GPC6: variants seen among roughly 807,000 people sequenced by gnomAD.
GPC6 encodes glypican 6, also known as glypican-6.
In GPC6, 14 loss-of-function variants were observed where a neutral mutation model predicts 55.2. The ratio of observed to expected loss-of-function variants is 0.25; its 90% CI spans 0.17 to 0.40. GPC6 has a LOEUF of 0.40. GPC6 is among the 10% of genes least tolerant of loss of function. GPC6 has a pLI of 1.00. For missense variants in GPC6, 641 were observed against 708.5 expected (o/e 0.90, Z 1.08); for synonymous variants, 278 against 259.6 (o/e 1.07, Z -0.68).
chr13:94,090,820 A>G (rs1885453872), intron 4 of GPC6, among the ~76,000 whole-genome samples: 2 of 152,156 alleles, frequency 1.3e-5, no homozygotes, highest in Non-Finnish European at 2.9e-5. Flanking sequence ...GTCTGTCTCT[A>G]TTTAGCACAC....
At chr13:93,405,254 C>A (rs769794883) in intron 1 of GPC6, among the ~76,000 whole-genome samples, 13 of 151,930 alleles carry the variant, frequency 8.6e-5, no homozygotes, top group Non-Finnish European at 1.3e-4. Flanking sequence ...GATCTATCTC[C>A]TGGCACATAC....
At chr13:93,236,773 GC>G (rs1876249091) in intron 1 of GPC6, among the ~76,000 whole-genome samples, 1 of 152,036 alleles carries the variant, frequency 6.6e-6, no homozygotes, top group Non-Finnish European at 1.5e-5. Flanking sequence ...CACTCTATGT[GC>G]CCCTGTGTAT....
chr13:93,763,238 G>C (rs1486880430), intron 2 of GPC6, among the ~76,000 whole-genome samples: 1 of 152,202 alleles, frequency 6.6e-6, no homozygotes, highest in Non-Finnish European at 1.5e-5. Context: ...TCTTAGTGAT[G>C]CAAGTTCACT....
rs987685360 is a variant in GPC6, at chr13:94,134,782, T to C, written c.877+106888T>C. On this transcript the variant is annotated intron_variant, in intron 4 of 8. Transcript: ENST00000377047. ...ATTCCTCTAAGAGGACTTTCGGGTTTCTATTTAAGGTCACTCCTCCCATCC... is the reference window on the plus strand; with the variant it reads ...ATTCCTCTAAGAGGACTTTCGGGTTCCTATTTAAGGTCACTCCTCCCATCC... Among the ~76,000 whole-genome samples the C allele has an allele frequency of 2.0e-4, 31 of 152,300 alleles. 1 individual carries two copies. The highest frequency in any genetic ancestry group is 8.8e-5 in the Non-Finnish European group (6 of 68,014).
intron 1 of GPC6, among the ~76,000 whole-genome samples, chr13:93,348,667 G>A (rs868216686): frequency 1.3e-5 from 2 of 152,108 alleles, no homozygotes; most frequent in South Asian, 4.1e-4. Flanking sequence ...AAAGCAGTTT[G>A]GAAAAGATTT....
chr13:94,181,841 C>T (rs532317267), intron 4 of GPC6, among the ~76,000 whole-genome samples: 2 of 152,292 alleles, frequency 1.3e-5, no homozygotes, highest in South Asian at 2.1e-4. Flanking sequence ...ATTTATTGAG[C>T]ACTCACTAAG....
chr13:93,467,171 T>G (rs576126489), intron 1 of GPC6, among the ~76,000 whole-genome samples: 112 of 152,348 alleles, frequency 7.4e-4, no homozygotes, highest in African/African-American at 2.6e-3. Flanking sequence ...TAATTTGACC[T>G]TTAGTTAACT....
intron 5 of GPC6, among the ~76,000 whole-genome samples, chr13:94,294,437 T>TA (rs397944823): frequency 0.23 from 26,550 of 116,610 alleles, 2,877 homozygotes; most frequent in East Asian, 0.39. Flanking sequence ...AAATGAAGAT[T>TA]AAAAAAAAAA....
intron 1 of GPC6, among the ~76,000 whole-genome samples, chr13:93,447,304 T>G (rs1032301207): frequency 1.3e-5 from 2 of 152,192 alleles, no homozygotes; most frequent in Non-Finnish European, 2.9e-5. Context: ...AAAACCAAAT[T>G]AAAGCAAAAA....
At chr13:93,222,417 TAC>T (rs1280968712), upstream of GPC6, among the ~76,000 whole-genome samples, 7 of 152,326 alleles carry the variant, frequency 4.6e-5, no homozygotes, top group African/African-American at 1.2e-4. Context: ...CCCTTCCACA[TAC>T]AGTTACCACA....
chr13:93,816,884 G>A (rs1018881875), intron 2 of GPC6, among the ~76,000 whole-genome samples: 4 of 151,872 alleles, frequency 2.6e-5, no homozygotes, highest in African/African-American at 4.8e-5. Flanking sequence ...ATACTATTAC[G>A]GTATTATATT....
Position 93,517,972 on chromosome 13 carries a change from A to AGT in GPC6, c.161-27291_161-27290insGT, listed in dbSNP as rs1402407230. Among the ~76,000 whole-genome samples, 4 of 45,264 alleles carry AGT rather than the reference A, an allele frequency of 8.8e-5. No individual in the cohort carries two copies. The East Asian group carries it at 3.3e-3, about 38-fold the overall frequency. The allele number at this position is 45,264 out of a possible 152,430, so 29.7% of individuals were successfully genotyped here. A position where few individuals can be genotyped will look rare whatever the true frequency, so the allele number is the denominator to read the frequency against. ...AAATTCAGGGAAGAAATTGCTTATT[A>AGT]ATATTATTATTATTATTTTTAGGGG... On this transcript the variant is annotated intron_variant, in intron 1 of 8. Transcript: ENST00000377047.
At chr13:93,343,743 C>T (rs762514373) in intron 1 of GPC6, among the ~76,000 whole-genome samples, 7 of 152,288 alleles carry the variant, frequency 4.6e-5, no homozygotes, top group Non-Finnish European at 4.4e-5. Flanking sequence ...GACTACCTGA[C>T]GTTTCTTTAA....
At chr13:93,956,991 T>C (rs980660285) in intron 3 of GPC6, among the ~76,000 whole-genome samples, 1 of 152,186 alleles carries the variant, frequency 6.6e-6, no homozygotes. Flanking sequence ...GGAATATCTA[T>C]TGATATGGTA....
chr13:94,013,914 G>A (rs951348759), intron 3 of GPC6, among the ~76,000 whole-genome samples: 3 of 152,176 alleles, frequency 2.0e-5, no homozygotes, highest in Admixed American at 6.5e-5. Context: ...AAGTGCTGTC[G>A]TTTTATGGCT....
chr13:93,455,652 T>A (rs542151061), intron 1 of GPC6, among the ~76,000 whole-genome samples: 1 of 152,044 alleles, frequency 6.6e-6, no homozygotes, highest in South Asian at 2.1e-4. Flanking sequence ...TAAAAAGCCA[T>A]GGGGTGTGGG....
chr13:93,906,561 T>C (rs1196243681), intron 3 of GPC6, among the ~76,000 whole-genome samples: 1 of 152,204 alleles, frequency 6.6e-6, no homozygotes, highest in Non-Finnish European at 1.5e-5. Flanking sequence ...CCATTTTGTA[T>C]TGAATATTGT....
At chr13:93,672,211 G>GTA (rs1424130441) in intron 2 of GPC6, among the ~76,000 whole-genome samples, 2 of 147,572 alleles carry the variant, frequency 1.4e-5, no homozygotes, top group African/African-American at 5.0e-5. Context: ...GTGTGTGTGT[G>GTA]TATATGTGTG....
intron 4 of GPC6, among the ~76,000 whole-genome samples, chr13:94,267,982 T>A (rs1198237470): frequency 6.6e-6 from 1 of 152,224 alleles, no homozygotes; most frequent in Non-Finnish European, 1.5e-5. Flanking sequence ...TAAACACAGA[T>A]GAAGTTAAAC....
Sources: allele counts gnomAD v4.1 joint callset (sites outside exome capture counted in the v4.1 genomes callset), GRCh38; gene constraint gnomAD v4.1.1; transcripts MANE v1.5; gene names NCBI Gene and HGNC (gene_info 2026-07-23, HGNC 2026-07-21).